Variants in KSR2 observed in about 807,000 individuals in gnomAD.
The protein encoded by KSR2 is kinase suppressor of ras 2.
In KSR2, 25 loss-of-function variants were observed where a neutral mutation model predicts 107.8. The ratio of observed to expected loss-of-function variants is 0.23; its 90% CI spans 0.17 to 0.32. The LOEUF is 0.32. Among genes scored for constraint, KSR2 ranks in the 10% least tolerant of loss-of-function variants. The pLI is 1.00. For synonymous variants in KSR2, 480 were observed against 507.0 expected, an observed-to-expected ratio of 0.95 and a Z score of 0.71; for missense variants, 887 against 1,268.9, an observed-to-expected ratio of 0.70 and a Z score of 4.57.
In KSR2 at chr12:117,855,590, G is replaced by T. The variant is rs779443250; in HGVS notation, c.322-12C>A. On this transcript the variant is annotated splice_polypyrimidine_tract_variant and intron_variant, in intron 2 of 19. Transcript: ENST00000339824. ...CCGGGGGAGATTTCCTAGAGGAGGG[G>T]AGAAGGATTGTCAACCGTGGGGCAG... 1.9e-6 allele frequency: 3 copies of T among 1,613,650 alleles called. No individual in the cohort carries two copies. The highest frequency in any genetic ancestry group is 4.5e-5 in the East Asian group (2 of 44,872).
At chr12:117,743,148 C>G (rs1423169855) in intron 4 of KSR2, among the ~76,000 whole-genome samples, 1 of 152,252 alleles carries the variant, frequency 6.6e-6, no homozygotes, top group African/African-American at 2.4e-5. Flanking sequence ...CAATCACCAT[C>G]CATCTTAAAC....
chr12:117,752,136 C>A (rs770580088), intron 4 of KSR2, among the ~76,000 whole-genome samples: 1 of 152,108 alleles, frequency 6.6e-6, no homozygotes, highest in African/African-American at 2.4e-5. Context: ...TAGCCTAGGC[C>A]AAGCACGAAA....
intron 5 of KSR2, among the ~76,000 whole-genome samples, chr12:117,656,669 G>A (rs1884170588): frequency 6.6e-6 from 1 of 152,074 alleles, no homozygotes; most frequent in Non-Finnish European, 1.5e-5. Flanking sequence ...CCTTAATCTG[G>A]TGGGTACAAT....
chr12:117,777,692 T>C (rs1233409508), intron 3 of KSR2, among the ~76,000 whole-genome samples: 1 of 152,220 alleles, frequency 6.6e-6, no homozygotes, highest in Non-Finnish European at 1.5e-5. Flanking sequence ...AGCCCTGGAC[T>C]CACCTTCTCA....
intron 4 of KSR2, among the ~76,000 whole-genome samples, chr12:117,703,699 G>C (rs1042101790): frequency 6.6e-6 from 1 of 152,180 alleles, no homozygotes; most frequent in Non-Finnish European, 1.5e-5. Context: ...AATCCTCCCA[G>C]AGAGCAGGAT....
rs1007918383 is a variant in KSR2, at chr12:117,454,042, C to T, written c.*13157G>A. 5 of 152,150 alleles carry T rather than the reference C, an allele frequency of 3.3e-5. No homozygotes were observed. The highest frequency in any genetic ancestry group is 4.8e-5 in the African/African-American group (2 of 41,424). 9.4% of individuals were successfully genotyped at this position (152,150 alleles called of 1,614,324 possible). A position where few individuals can be genotyped will look rare whatever the true frequency, so the allele number is the denominator to read the frequency against. ...AATATCTAAATAAATGGGTAACACC[C>T]ACCACCTCGCTATTCTAGTCCCTTA... On this transcript the variant is annotated 3_prime_UTR_variant, in exon 20 of 20. Transcript: ENST00000339824.
rs1285716646 is a variant in KSR2, at chr12:117,717,665, AGGTG to A, written c.986+43342_986+43345del. On this transcript the variant is annotated intron_variant, in intron 4 of 19. Coordinates refer to ENST00000339824, the MANE Select transcript of KSR2 (RefSeq NM_173598.6). ...TCCATGTGGCATGTGTGGGGCAGAC[AGGTG>A]TGTGTGTGTGTGTGTGTGTGTGTGT... Among the ~76,000 whole-genome samples the A allele has an allele frequency of 3.4e-4, 45 of 132,634 alleles. 1 individual carries two copies. The South Asian group carries it at 5.0e-3, about 15-fold the overall frequency. 87.0% of individuals were successfully genotyped at this position (132,634 alleles called of 152,430 possible).
chr12:117,685,234 T>A (rs1034837195), intron 4 of KSR2, among the ~76,000 whole-genome samples: 1 of 152,212 alleles, frequency 6.6e-6, no homozygotes, highest in Non-Finnish European at 1.5e-5. Flanking sequence ...TTTTCCTGCA[T>A]CCCTGTGATT....
intron 16 of KSR2, among the ~76,000 whole-genome samples, chr12:117,476,877 CA>C (rs1871817571): frequency 6.6e-6 from 1 of 152,218 alleles, no homozygotes; most frequent in Non-Finnish European, 1.5e-5. Context: ...TCTTGTTATT[CA>C]CGGCAGTTAC....
chr12:117,554,238 A>G (rs991094864), intron 9 of KSR2, among the ~76,000 whole-genome samples: 2 of 152,164 alleles, frequency 1.3e-5, no homozygotes, highest in Admixed American at 6.5e-5. Flanking sequence ...AAATCAGGCC[A>G]GAAATTTCTA....
intron 5 of KSR2, among the ~76,000 whole-genome samples, chr12:117,654,262 A>T (rs765496173): frequency 5.9e-5 from 9 of 152,174 alleles, no homozygotes; most frequent in Non-Finnish European, 1.3e-4. Flanking sequence ...CATATACGGG[A>T]TTGGGCTTGA....
intron 7 of KSR2, among the ~76,000 whole-genome samples, chr12:117,559,041 A>AGGATGGAAGGAT (rs1877924503): frequency 6.9e-6 from 1 of 145,336 alleles, no homozygotes; most frequent in Admixed American, 6.8e-5. Context: ...GATGGATGGA[A>AGGATGGAAGGAT]GGATGGATGG....
intron 4 of KSR2, among the ~76,000 whole-genome samples, chr12:117,669,270 T>A (rs920967697): frequency 3.9e-5 from 6 of 152,222 alleles, no homozygotes; most frequent in African/African-American, 4.8e-5. Flanking sequence ...CAATGTGTTA[T>A]GAGTGCAAGT....
chr12:117,664,031 A>G (rs150958713), intron 5 of KSR2, among the ~76,000 whole-genome samples: 108 of 152,348 alleles, frequency 7.1e-4, no homozygotes, highest in Non-Finnish European at 1.4e-3. Flanking sequence ...CATGGTGAAC[A>G]GAAGCGTCTG....
At chr12:117,817,850 C>T (rs1243181434) in intron 3 of KSR2, among the ~76,000 whole-genome samples, 1 of 152,168 alleles carries the variant, frequency 6.6e-6, no homozygotes, top group African/African-American at 2.4e-5. Context: ...CCTGTAATCC[C>T]AGCACTTTGG....
At chr12:117,710,360 A>G (rs760906860) in intron 4 of KSR2, among the ~76,000 whole-genome samples, 14 of 152,220 alleles carry the variant, frequency 9.2e-5, no homozygotes, top group African/African-American at 2.2e-4. Flanking sequence ...ATTTGGGAGC[A>G]TGGAAATAAT....
chr12:117,476,170 G>A (rs943021258), intron 17 of KSR2, among the ~76,000 whole-genome samples: 1 of 152,224 alleles, frequency 6.6e-6, no homozygotes, highest in Non-Finnish European at 1.5e-5. Flanking sequence ...TGTATCCCCT[G>A]CATCTGCTAC....
Position 117,454,546 on chromosome 12 carries a change from A to G in KSR2, c.*12653T>C, listed in dbSNP as rs1870502203. 6.6e-6 allele frequency: 1 copy of G among 152,248 alleles called. No homozygotes were observed. Among genetic ancestry groups the G allele is most frequent in the Non-Finnish European group, 1.5e-5 (1 of 68,042 alleles). The allele number at this position is 152,248 out of a possible 1,614,324, so 9.4% of individuals were successfully genotyped here. ...CATTCTTTCCCACACTTCAGGCTGT[A>G]TTGCAGGCTTGGCCTGTGGCCCACT... On this transcript the variant is annotated 3_prime_UTR_variant, in exon 20 of 20. Transcript: ENST00000339824.
At chr12:117,692,322 A>T (rs1048890387) in intron 4 of KSR2, among the ~76,000 whole-genome samples, 1 of 151,724 alleles carries the variant, frequency 6.6e-6, no homozygotes, top group African/African-American at 2.4e-5. Context: ...ATTGGCAAAG[A>T]TGTGGAGAAA....
Sources: allele counts gnomAD v4.1 joint callset (sites outside exome capture counted in the v4.1 genomes callset), GRCh38; gene constraint gnomAD v4.1.1; transcripts MANE v1.5; gene names NCBI Gene and HGNC (gene_info 2026-07-23, HGNC 2026-07-21).